Variants in SPTLC2 observed in about 807,000 individuals in gnomAD.
The protein encoded by SPTLC2 is serine palmitoyltransferase 2.
Under a neutral mutation model 62.0 loss-of-function variants are expected in SPTLC2, and 21 were observed. The ratio of observed to expected loss-of-function variants is 0.34; its 90% confidence interval spans 0.24 to 0.49. The LOEUF (loss-of-function observed/expected upper bound fraction) is 0.49. Among genes scored for constraint, SPTLC2 ranks in the 20% least tolerant of loss-of-function variants. SPTLC2 has a pLI of 0.99. For missense variants in SPTLC2, 511 were observed against 713.0 expected, an observed-to-expected ratio of 0.72 and a Z score of 3.23; for synonymous variants, 261 against 261.8, an observed-to-expected ratio of 1.00 and a Z score of 0.03.
At position 77,616,549 on chromosome 14, in the gene SPTLC2, G is replaced by GGCA. The variant is rs1294615842; in HGVS notation, c.28_30dup (p.Cys10dup). On this transcript the variant is annotated inframe_insertion, in exon 1 of 12. Coordinates refer to ENST00000216484, the MANE Select transcript of SPTLC2 (RefSeq NM_004863.4). ...CAGCCATTCGCCCGCACCGTGCGGC[G>GGCA]GCAGCAGCAGCCTCCGGGCTCCGGC... 4.6e-6 allele frequency: 7 copies of GGCA among 1,536,318 alleles called. No homozygotes were observed. Among genetic ancestry groups the GGCA allele is most frequent in the Admixed American group, 2.0e-5 (1 of 51,208 alleles).
chr14:77,546,757 T>TG (rs1225493421), intron 9 of SPTLC2, among the ~76,000 whole-genome samples: 2 of 151,066 alleles, frequency 1.3e-5, no homozygotes, highest in Admixed American at 1.3e-4. Flanking sequence ...TTTTTGGAGA[T>TG]GGAGTTTCGC....
intron 1 of SPTLC2, among the ~76,000 whole-genome samples, chr14:77,603,244 G>C (rs1009246150): frequency 2.0e-5 from 3 of 152,220 alleles, no homozygotes; most frequent in Non-Finnish European, 2.9e-5. Context: ...TGCCCAGCTG[G>C]TGAATGGTTT....
intron 1 of SPTLC2, among the ~76,000 whole-genome samples, chr14:77,607,662 T>C (rs1183838432): frequency 2.0e-5 from 3 of 152,234 alleles, no homozygotes; most frequent in Non-Finnish European, 4.4e-5. Flanking sequence ...ATACTTATTT[T>C]TGCTATTTAA....
chr14:77,560,933 T>C (rs2079611721), intron 6 of SPTLC2, among the ~76,000 whole-genome samples: 1 of 151,436 alleles, frequency 6.6e-6, no homozygotes, highest in African/African-American at 2.4e-5. Flanking sequence ...GCTGATTACC[T>C]GGGTGGCGAA....
chr14:77,538,663 C>T (rs1303513951), intron 9 of SPTLC2, among the ~76,000 whole-genome samples: 2 of 152,104 alleles, frequency 1.3e-5, no homozygotes, highest in African/African-American at 4.8e-5. Context: ...CTCTGCCTCC[C>T]GGGTTCAAAC....
intron 2 of SPTLC2, among the ~76,000 whole-genome samples, chr14:77,581,240 T>A (rs1034588447): frequency 1.3e-5 from 2 of 152,192 alleles, no homozygotes; most frequent in Non-Finnish European, 2.9e-5. Flanking sequence ...GTAAAAGATT[T>A]TCATTGCTAA....
chr14:77,616,412 C>T, intron 1 of SPTLC2, 36 bp downstream of exon 1: 1 of 1,348,746 alleles, frequency 7.4e-7, no homozygotes, highest in African/African-American at 1.5e-5. Flanking sequence ...CCAGTCCACA[C>T]CGCCACCCCG....
At chr14:77,579,390 CTT>C (rs1307879841) in intron 2 of SPTLC2, among the ~76,000 whole-genome samples, 1 of 152,122 alleles carries the variant, frequency 6.6e-6, no homozygotes, top group Non-Finnish European at 1.5e-5. Context: ...TAAAAACAAA[CTT>C]TACAACTTCC....
At chr14:77,609,694 C>A (rs1309413837) in intron 1 of SPTLC2, among the ~76,000 whole-genome samples, 1 of 151,984 alleles carries the variant, frequency 6.6e-6, no homozygotes, top group African/African-American at 2.4e-5. Context: ...CCACACTGCA[C>A]CCCAGCCTGG....
intron 2 of SPTLC2, among the ~76,000 whole-genome samples, chr14:77,580,485 A>G (rs964608369): frequency 1.3e-5 from 2 of 151,356 alleles, no homozygotes; most frequent in African/African-American, 4.8e-5. Context: ...ATCAAAAAAA[A>G]AAAAAAATGG....
Position 77,533,157 on chromosome 14 carries a change from G to A in SPTLC2, c.1304-11576C>T, listed in dbSNP as rs140859172. Reference sequence around the variant, plus strand: ...TACTAAAAAAATACAAAAATTAGCTGGGCGTGGTGGTGCACGCCTGGAGTT... The same window carrying A: ...TACTAAAAAAATACAAAAATTAGCTAGGCGTGGTGGTGCACGCCTGGAGTT... On this transcript the variant is annotated intron_variant, in intron 9 of 11. Coordinates refer to ENST00000216484, the MANE Select transcript of SPTLC2 (RefSeq NM_004863.4). 4.2e-3 allele frequency among the ~76,000 whole-genome samples: 645 copies of A among 152,186 alleles called. 3 individuals are homozygous for A. The highest frequency in any genetic ancestry group is 0.014 in the African/African-American group (576 of 41,532).
At chr14:77,528,454 C>T (rs1180087291) in intron 9 of SPTLC2, among the ~76,000 whole-genome samples, 1 of 152,146 alleles carries the variant, frequency 6.6e-6, no homozygotes, top group African/African-American at 2.4e-5. Flanking sequence ...TGGTCTCGAA[C>T]TCCTGACCTC....
At chr14:77,600,869 C>G (rs1204113815) in intron 1 of SPTLC2, among the ~76,000 whole-genome samples, 1 of 152,096 alleles carries the variant, frequency 6.6e-6, no homozygotes, top group Admixed American at 6.5e-5. Context: ...GAAAAAAAAT[C>G]AATCTAATGG....
chr14:77,586,481 T>A (rs1275792777), intron 2 of SPTLC2, among the ~76,000 whole-genome samples: 1 of 152,226 alleles, frequency 6.6e-6, no homozygotes, highest in Non-Finnish European at 1.5e-5. Flanking sequence ...AGTACTTGTA[T>A]GTGAATGTTC....
intron 9 of SPTLC2, among the ~76,000 whole-genome samples, chr14:77,534,561 AAAT>A (rs1049386279): frequency 3.1e-5 from 4 of 130,380 alleles, no homozygotes; most frequent in African/African-American, 8.8e-5. Flanking sequence ...ATATAAAATT[AAAT>A]AATAAACATT....
At position 77,616,373 on chromosome 14, in the gene SPTLC2, A is replaced by C. The variant is rs912413560; in HGVS notation, c.132+75T>G. 1.1e-5 allele frequency: 10 copies of C among 948,094 alleles called. No homozygotes were observed. The African/African-American group carries it at 1.4e-4, about 13-fold the overall frequency. 58.7% of individuals were successfully genotyped at this position (948,094 alleles called of 1,614,324 possible). A position where few individuals can be genotyped will look rare whatever the true frequency, so the allele number is the denominator to read the frequency against. On this transcript the variant is annotated intron_variant, in intron 1 of 11. Coordinates refer to ENST00000216484, the MANE Select transcript of SPTLC2 (RefSeq NM_004863.4). ...GCGGATTGCCCAGCGGATGGCCCGG[A>C]GACCTCGCCCCGCCCGGCCGCCCCT...
Position 77,587,924 on chromosome 14 carries a change from A to AC in SPTLC2, c.328-8816_328-8815insG, listed in dbSNP as rs1312023252. On this transcript the variant is annotated intron_variant, in intron 2 of 11. Coordinates refer to ENST00000216484, the MANE Select transcript of SPTLC2 (RefSeq NM_004863.4). ...CGTTTTGAATTTTTATTTGGGCAACATTTGTTGTTGTTGTTGTTGTTATTG... is the reference window on the plus strand; with the variant it reads ...CGTTTTGAATTTTTATTTGGGCAACACTTTGTTGTTGTTGTTGTTGTTATTG... 9.8e-5 allele frequency among the ~76,000 whole-genome samples: 14 copies of AC among 142,138 alleles called. No individual in the cohort carries two copies. In the South Asian group the frequency reaches 2.3e-3, roughly 23 times the overall value. The allele number at this position is 142,138 out of a possible 152,430, so 93.2% of individuals were successfully genotyped here.
At position 77,512,422 on chromosome 14, in the gene SPTLC2, A is replaced by C; in HGVS notation, c.1570-19T>G. The C allele has an allele frequency of 6.2e-7, 1 of 1,614,178 alleles. No individual in the cohort carries two copies. The highest frequency in any genetic ancestry group is 8.5e-7 in the Non-Finnish European group (1 of 1,180,004). The stretch of plus-strand genomic sequence containing the variant: ...TTAAAGCCTAAAATACACAAGACAA[A>C]GTAGAGGTCTGTCAGAGCCAGTAGG... On this transcript the variant is annotated intron_variant, in intron 11 of 11. Coordinates refer to ENST00000216484, the MANE Select transcript of SPTLC2 (RefSeq NM_004863.4).
intron 6 of SPTLC2, among the ~76,000 whole-genome samples, chr14:77,560,314 G>A (rs1450040893): frequency 1.3e-5 from 2 of 152,176 alleles, no homozygotes; most frequent in East Asian, 1.9e-4. Context: ...TGGGCCAGGC[G>A]TGGTGGCTTA....
Sources: allele counts gnomAD v4.1 joint callset (sites outside exome capture counted in the v4.1 genomes callset), GRCh38; gene constraint gnomAD v4.1.1; transcripts MANE v1.5; gene names NCBI Gene and HGNC (gene_info 2026-07-23, HGNC 2026-07-21).